The following DGKI variants were observed in gnomAD, a reference collection of about 807,000 sequenced individuals.
The protein encoded by DGKI is DAG kinase iota.
A neutral mutation model predicts 147.5 loss-of-function variants in DGKI; 55 were observed. The observed-to-expected ratio is 0.37, with a 90% confidence interval of 0.30 to 0.47. The LOEUF (loss-of-function observed/expected upper bound fraction) is 0.47, where lower values mean the gene tolerates loss of function less well. Ranked by LOEUF, DGKI falls within the 20% of genes least tolerant of loss-of-function variation. The pLI is 1.00. For missense variants in DGKI, 1,007 were observed against 1,323.8 expected, an observed-to-expected ratio of 0.76 and a Z score of 3.71; for synonymous variants, 469 against 477.1, an observed-to-expected ratio of 0.98 and a Z score of 0.22.
intron 19 of DGKI, among the ~76,000 whole-genome samples, chr7:137,559,062 CTTTT>C (rs71177910): frequency 3.6e-5 from 3 of 83,614 alleles, no homozygotes; most frequent in Non-Finnish European, 6.7e-5. Flanking sequence ...ACCTACAATT[CTTTT>C]TTTTTTTTTT....
intron 1 of DGKI, among the ~76,000 whole-genome samples, chr7:137,827,463 C>T (rs1684350264): frequency 6.6e-6 from 1 of 152,200 alleles, no homozygotes; most frequent in Non-Finnish European, 1.5e-5. Flanking sequence ...TGTATCCTTT[C>T]TCATGCAATT....
chr7:137,818,470 C>T (rs1348483892), intron 1 of DGKI, among the ~76,000 whole-genome samples: 1 of 152,128 alleles, frequency 6.6e-6, no homozygotes, highest in Non-Finnish European at 1.5e-5. Context: ...TATTTTTGCC[C>T]AGGCTGGAGT....
chr7:137,404,566 CCA>C (rs1276730645), intron 30 of DGKI, among the ~76,000 whole-genome samples: 5 of 152,272 alleles, frequency 3.3e-5, no homozygotes, highest in African/African-American at 1.2e-4. Context: ...TCTCCCATCT[CCA>C]CAGTCTTTCT....
chr7:137,728,542 G>A (rs1412781115), intron 1 of DGKI, among the ~76,000 whole-genome samples: 2 of 152,152 alleles, frequency 1.3e-5, no homozygotes, highest in African/African-American at 4.8e-5. Flanking sequence ...ATGAAGGAAA[G>A]CTGGATGCAT....
At chr7:137,570,799 G>A (rs1399902716) in intron 19 of DGKI, among the ~76,000 whole-genome samples, 1 of 152,092 alleles carries the variant, frequency 6.6e-6, no homozygotes, top group African/African-American at 2.4e-5. Context: ...ATGTTGGTCA[G>A]GCTCTTCTGG....
At chr7:137,553,618 T>C (rs1218572412) in intron 19 of DGKI, among the ~76,000 whole-genome samples, 1 of 152,244 alleles carries the variant, frequency 6.6e-6, no homozygotes, top group Non-Finnish European at 1.5e-5. Context: ...TACATTTTTG[T>C]TGTATAACAT....
At chr7:137,686,774 CACAA>C (rs368553330) in intron 2 of DGKI, among the ~76,000 whole-genome samples, 15 of 152,174 alleles carry the variant, frequency 9.9e-5, no homozygotes, top group African/African-American at 3.6e-4. Context: ...TCAGGCACCC[CACAA>C]ACAGACTTCT....
chr7:137,642,957 T>TGTGTGTGC (rs1230624122), intron 6 of DGKI, among the ~76,000 whole-genome samples: 1 of 150,600 alleles, frequency 6.6e-6, no homozygotes, highest in African/African-American at 2.4e-5. Flanking sequence ...TGTGTGTGTG[T>TGTGTGTGC]GTGTGTGTGT....
chr7:137,556,999 C>CT (rs1818246114), intron 19 of DGKI, among the ~76,000 whole-genome samples: 1 of 150,078 alleles, frequency 6.7e-6, no homozygotes, highest in Admixed American at 6.6e-5. Flanking sequence ...AAAGAAGAAC[C>CT]TTCCCAGAAC....
intron 1 of DGKI, among the ~76,000 whole-genome samples, chr7:137,730,849 C>T (rs915528691): frequency 1.8e-4 from 27 of 152,048 alleles, no homozygotes; most frequent in African/African-American, 6.5e-4. Context: ...CATGTCTCAG[C>T]TTTTTCATTA....
At chr7:137,429,627 T>C (rs1286581762) in intron 28 of DGKI, among the ~76,000 whole-genome samples, 1 of 151,698 alleles carries the variant, frequency 6.6e-6, no homozygotes, top group Non-Finnish European at 1.5e-5. Flanking sequence ...ACCTACAAAA[T>C]GGGAGAAAAT....
At chr7:137,523,972 G>A (rs1817053605) in intron 20 of DGKI, among the ~76,000 whole-genome samples, 2 of 151,528 alleles carry the variant, frequency 1.3e-5, no homozygotes, top group African/African-American at 4.9e-5. Context: ...CTCCTCTGAG[G>A]AGTTCAGACT....
intron 29 of DGKI, among the ~76,000 whole-genome samples, chr7:137,410,417 C>T (rs1239518078): frequency 1.3e-5 from 2 of 152,162 alleles, no homozygotes; most frequent in African/African-American, 4.8e-5. Context: ...AAAACAAAAA[C>T]AAAATAAGGT....
chr7:137,810,462 ACAGACTT>A (rs1308382610), intron 1 of DGKI, among the ~76,000 whole-genome samples: 2 of 152,220 alleles, frequency 1.3e-5, no homozygotes, highest in Non-Finnish European at 2.9e-5. Context: ...AGACTGCTAG[ACAGACTT>A]CACAGTAAAG....
intron 15 of DGKI, among the ~76,000 whole-genome samples, chr7:137,579,486 T>A (rs1191732922): frequency 6.6e-6 from 1 of 151,666 alleles, no homozygotes; most frequent in Admixed American, 6.6e-5. Context: ...AATTATATAT[T>A]TCATAGACAA....
At chr7:137,691,297 C>A (rs1361570034) in intron 1 of DGKI, among the ~76,000 whole-genome samples, 1 of 152,166 alleles carries the variant, frequency 6.6e-6, no homozygotes, top group Admixed American at 6.5e-5. Flanking sequence ...TTTACTTTAT[C>A]TTCATTTGGC....
At chr7:137,708,336 A>G (rs3778801) in intron 1 of DGKI, among the ~76,000 whole-genome samples, 7,805 of 152,288 alleles carry the variant, frequency 0.051, 638 homozygotes, top group African/African-American at 0.17. Context: ...ACTCCAAAAA[A>G]GCAATATCTT....
chr7:137,811,329 CTCTG>C (rs1797562527), intron 1 of DGKI, among the ~76,000 whole-genome samples: 3 of 151,412 alleles, frequency 2.0e-5, no homozygotes, highest in African/African-American at 2.4e-5. Flanking sequence ...ATTTAATTCT[CTCTG>C]TCTGTCTCTC....
At position 137,800,246 on chromosome 7, in the gene DGKI, G is replaced by C. The variant is rs186867132; in HGVS notation, c.401+46216C>G. On this transcript the variant is annotated intron_variant, in intron 1 of 32. Transcript: ENST00000614521. ...GCCAAATGGGTTCTCACTGGTTACA[G>C]GCAAGGAGTGTAATATGGTTTGGAT... 1.3e-3 allele frequency among the ~76,000 whole-genome samples: 202 copies of C among 152,254 alleles called. 2 individuals carry two copies. The highest frequency in any genetic ancestry group is 4.6e-3 in the African/African-American group (193 of 41,554).
Sources: allele counts gnomAD v4.1 joint callset (sites outside exome capture counted in the v4.1 genomes callset), GRCh38; gene constraint gnomAD v4.1.1; transcripts MANE v1.5; gene names NCBI Gene and HGNC (gene_info 2026-07-23, HGNC 2026-07-21).